Variants in THOC5 observed in about 807,000 individuals in gnomAD.
THOC5 encodes the protein THO complex subunit 5, also known as Fms-interacting protein.
A neutral mutation model predicts 92.9 loss-of-function variants in THOC5; 43 were observed. That is an observed-to-expected ratio of 0.46 (90% CI 0.36 to 0.60). The LOEUF (loss-of-function observed/expected upper bound fraction) is 0.60. Ranked by LOEUF, THOC5 falls within the 20% of genes least tolerant of loss-of-function variation. The pLI is 0.00. For missense variants in THOC5, 659 were observed against 849.4 expected (o/e 0.78, Z 2.79); for synonymous variants, 296 against 320.1 (o/e 0.92, Z 0.80).
intron 15 of THOC5, among the ~76,000 whole-genome samples, chr22:29,517,768 G>C (rs1046915028): frequency 6.6e-6 from 1 of 152,256 alleles, no homozygotes; most frequent in African/African-American, 2.4e-5. Flanking sequence ...GTGTCAGGGA[G>C]AAGAGCCAGA....
At chr22:29,537,149 C>T (rs1269543501) in intron 6 of THOC5, among the ~76,000 whole-genome samples, 1 of 152,254 alleles carries the variant, frequency 6.6e-6, no homozygotes, top group East Asian at 1.9e-4. Flanking sequence ...AAAACTTTCA[C>T]AAACATGGAC....
intron 18 of THOC5, chr22:29,511,584 T>C (rs2063223893): frequency 2.1e-6 from 1 of 475,166 alleles, no homozygotes; most frequent in African/African-American, 1.9e-5. Context: ...AGTCAGAAGA[T>C]GTTGGTTAAA....
intron 5 of THOC5, 130 bp from the exon 6 acceptor site, chr22:29,539,606 C>A: frequency 1.0e-6 from 1 of 954,526 alleles, no homozygotes; most frequent in African/African-American, 1.6e-5. Context: ...CCAGTCTTCT[C>A]CACAAATGCT....
At chr22:29,521,454 T>C (rs936232607) in intron 12 of THOC5, among the ~76,000 whole-genome samples, 2 of 152,358 alleles carry the variant, frequency 1.3e-5, no homozygotes, top group South Asian at 4.1e-4. Flanking sequence ...AAGATTTATA[T>C]GGTGCCTAAG....
At chr22:29,511,843 T>C (rs952209444) in intron 18 of THOC5, among the ~76,000 whole-genome samples, 178 bp downstream of exon 18, 1 of 152,204 alleles carries the variant, frequency 6.6e-6, no homozygotes, top group African/African-American at 2.4e-5. Flanking sequence ...GGCAAGTAGG[T>C]CTGGGCTCTT....
intron 6 of THOC5, 140 bp downstream of exon 6, chr22:29,539,190 T>A (rs371178267): frequency 2.6e-6 from 2 of 781,712 alleles, no homozygotes; most frequent in Non-Finnish European, 4.0e-6. Context: ...GTTTAAACTA[T>A]CCAGTGTGAT....
chr22:29,547,199 A>T (rs1395563262), intron 2 of THOC5, among the ~76,000 whole-genome samples: 2 of 151,944 alleles, frequency 1.3e-5, no homozygotes, highest in Non-Finnish European at 2.9e-5. Flanking sequence ...GATACCCTAA[A>T]TCCTCTCTCT....
intron 1 of THOC5, among the ~76,000 whole-genome samples, 173 bp from the exon 2 acceptor site, chr22:29,549,331 C>G (rs1847138712): frequency 6.6e-6 from 1 of 152,160 alleles, no homozygotes; most frequent in African/African-American, 2.4e-5. Flanking sequence ...CTGTCCAAAA[C>G]AAACTCCACC....
At chr22:29,535,222 C>G (rs1229225904) in intron 7 of THOC5, 1 of 142,508 alleles carries the variant, frequency 7.0e-6, no homozygotes, top group East Asian at 2.1e-4. Context: ...GAGATGGCGC[C>G]ACTCCACTCC....
chr22:29,537,706 A>G (rs1436251973), intron 6 of THOC5, among the ~76,000 whole-genome samples: 2 of 152,124 alleles, frequency 1.3e-5, no homozygotes, highest in Non-Finnish European at 2.9e-5. Flanking sequence ...CCTGGCCAAC[A>G]TGGTGAAACC....
At chr22:29,509,954 G>A (rs1168169338) in intron 19 of THOC5, among the ~76,000 whole-genome samples, 1 of 152,210 alleles carries the variant, frequency 6.6e-6, no homozygotes, top group Admixed American at 6.5e-5. Flanking sequence ...GACTGACAGG[G>A]AACAAGGGGG....
rs1280601508 is a variant in THOC5 at position 29,543,385 on chromosome 22, G to GAGGAGGA, written c.354+37_354+43dup. 5.5e-6 allele frequency: 7 copies of GAGGAGGA among 1,283,966 alleles called. No individual in the cohort carries two copies. In the African/African-American group the frequency reaches 6.0e-5, roughly 11 times the overall value. The allele number at this position is 1,283,966 out of a possible 1,614,324, so 79.5% of individuals were successfully genotyped here. A position where few individuals can be genotyped will look rare whatever the true frequency, so the allele number is the denominator to read the frequency against. On this transcript the variant is annotated intron_variant, in intron 4 of 19. Coordinates refer to ENST00000490103, the MANE Select transcript of THOC5 (RefSeq NM_003678.5). ...AAAAAAAAAAAAAGAAGGGGATGGG[G>GAGGAGGA]AGGAGGAAGGAGGAAGGTTAAAATT...
In THOC5 at chr22:29,529,144, T is replaced by C. The variant is rs368530601; in HGVS notation, c.925+18A>G. ...TGACCTGGTGTCCCTGGGGGACGAA[T>C]CCCAACCACCACATTACCTTGGGAG... On this transcript the variant is annotated intron_variant, in intron 9 of 19. Transcript: ENST00000490103. 1.2e-6 allele frequency: 2 copies of C among 1,613,886 alleles called. No homozygotes were observed. The highest frequency in any genetic ancestry group is 1.7e-6 in the Non-Finnish European group (2 of 1,179,906).
In THOC5 at chr22:29,517,359, G is replaced by A. The variant is rs752408838; in HGVS notation, c.1497C>T (p.Gly499=). The change falls in exon 16 of 20, where the codon GGC becomes GGT. Residue 499 remains glycine, a synonymous_variant. Transcript: ENST00000490103. ...GGCAATCACTGGTAACTGGCACAAT[G>A]CCATGTTCTAAAAGAGAACAAGACA... ...LHKQFASLEH[G]IVPVTSDCQY... 1.9e-6 allele frequency: 3 copies of A among 1,613,912 alleles called. No homozygotes were observed. The Admixed American group carries it at 5.0e-5, about 27-fold the overall frequency.
In THOC5 at chr22:29,531,832, A is replaced by G. The variant is rs150872843; in HGVS notation, c.846T>C (p.Cys282=). 14 of 1,613,870 alleles carry G rather than the reference A, an allele frequency of 8.7e-6. No homozygotes were observed. The highest frequency in any genetic ancestry group is 1.1e-5 in the Non-Finnish European group (13 of 1,179,856). ...FVQATAYGQA[C]DKTLSVAIEG... is the part of the protein sequence containing the mutation. ...TCCTCACCCAGGCCCCATACTCACC[A>G]CAGGCCTGCCCATACGCAGTGGCCT... Residue 282 remains cysteine, a splice_region_variant and synonymous_variant, in exon 8 of 20, where the codon TGT becomes TGC. Coordinates refer to ENST00000490103, the MANE Select transcript of THOC5 (RefSeq NM_003678.5).
Position 29,542,925 on chromosome 22 carries a change from TGCAGATGATA to T in THOC5, c.376_385del (p.Tyr126SerfsTer9). The stretch of plus-strand genomic sequence containing the variant: ...CACCTCATACAACAGGTTCTGGAGC[TGCAGATGATA>T]GGCATCTACTTTCTGCTTAGCCTGA... On this transcript the variant is annotated frameshift_variant, in exon 5 of 20. Coordinates refer to ENST00000490103, the MANE Select transcript of THOC5 (RefSeq NM_003678.5). LOFTEE classifies it high-confidence loss of function. The T allele has an allele frequency of 6.2e-7, 1 of 1,613,204 alleles. No individual in the cohort carries two copies. The highest frequency in any genetic ancestry group is 8.5e-7 in the Non-Finnish European group (1 of 1,179,604).
intron 6 of THOC5, among the ~76,000 whole-genome samples, chr22:29,538,006 G>A (rs568352065): frequency 5.3e-5 from 8 of 152,022 alleles, no homozygotes; most frequent in East Asian, 1.9e-4. Flanking sequence ...TTTTTGAGAC[G>A]GAGTCTCATT....
chr22:29,506,822 G>A lies in THOC5; in HGVS notation c.*1635C>T, dbSNP rs562879846. 1 of 152,256 alleles carries A rather than the reference G, an allele frequency of 6.6e-6. No homozygotes were observed. The highest frequency in any genetic ancestry group is 1.9e-4 in the East Asian group (1 of 5,188). The allele number at this position is 152,256 out of a possible 1,614,324, so 9.4% of individuals were successfully genotyped here. A position where few individuals can be genotyped will look rare whatever the true frequency, so the allele number is the denominator to read the frequency against. The stretch of plus-strand genomic sequence containing the variant: ...TCTCTGTGAAGTACAGTTGATCTCT[G>A]AACAATAGTTTGGACTCTGTGGGTC... On this transcript the variant is annotated 3_prime_UTR_variant, in exon 20 of 20. Coordinates refer to ENST00000490103, the MANE Select transcript of THOC5 (RefSeq NM_003678.5).
intron 1 of THOC5, among the ~76,000 whole-genome samples, chr22:29,552,739 G>A (rs562007240): frequency 1.3e-5 from 2 of 152,306 alleles, no homozygotes; most frequent in East Asian, 3.9e-4. Flanking sequence ...TCTGGGAGGT[G>A]TACCCAACAG....
Sources: allele counts gnomAD v4.1 joint callset (sites outside exome capture counted in the v4.1 genomes callset), GRCh38; gene constraint gnomAD v4.1.1; transcripts MANE v1.5; gene names NCBI Gene and HGNC (gene_info 2026-07-23, HGNC 2026-07-21).